XRN1: variants seen among roughly 807,000 people sequenced by gnomAD.
XRN1 encodes strand-exchange protein 1 homolog.
XRN1 carries 67 observed loss-of-function variants against 222.3 expected under a neutral mutation model. That is an observed-to-expected ratio of 0.30 (90% CI 0.25 to 0.37). The LOEUF (loss-of-function observed/expected upper bound fraction) is 0.37. Ranked by LOEUF, XRN1 falls within the 10% of genes least tolerant of loss-of-function variation. XRN1 has a pLI of 1.00. For synonymous variants in XRN1, 643 were observed against 652.4 expected (o/e 0.99, Z 0.22); for missense variants, 1,707 against 2,000.2 (o/e 0.85, Z 2.80).
Position 142,384,164 on chromosome 3 carries a change from C to T in XRN1, c.2502+359G>A, listed in dbSNP as rs140870541. On this transcript the variant is annotated intron_variant, in intron 21 of 40. Transcript: ENST00000392981. Reference sequence around the variant, plus strand: ...GCGGGCACCTGTAGTCCCAGCTACTCGGGAAGCTGTGGCAGGAGAATGGCG... The same window carrying T: ...GCGGGCACCTGTAGTCCCAGCTACTTGGGAAGCTGTGGCAGGAGAATGGCG... Among the ~76,000 whole-genome samples, 256 of 150,808 alleles carry T rather than the reference C, an allele frequency of 1.7e-3. 4 individuals are homozygous for T. In the East Asian group the frequency reaches 0.044, roughly 26 times the overall value.
chr3:142,446,179 C>G (rs775106025), intron 1 of XRN1, among the ~76,000 whole-genome samples: 4 of 152,172 alleles, frequency 2.6e-5, no homozygotes, highest in Non-Finnish European at 5.9e-5. Context: ...GAGGCCACAC[C>G]ACTGACTTCC....
chr3:142,376,618 T>A (rs1229698800), intron 23 of XRN1, 24 bp from the exon 24 acceptor site: 1 of 1,514,576 alleles, frequency 6.6e-7, no homozygotes, highest in African/African-American at 1.4e-5. Context: ...AACAAAAAGG[T>A]CAATTATGGA....
chr3:142,354,120 GA>G (rs926880159), intron 32 of XRN1, among the ~76,000 whole-genome samples: 13 of 151,808 alleles, frequency 8.6e-5, no homozygotes, highest in South Asian at 6.2e-4. Flanking sequence ...AAAAAATGGG[GA>G]AAAAACATGA....
intron 36 of XRN1, 62 bp from the exon 37 acceptor site, chr3:142,329,677 T>C: frequency 6.8e-7 from 1 of 1,461,382 alleles, no homozygotes; most frequent in Non-Finnish European, 9.0e-7. Context: ...ATTATGCACT[T>C]ATTGTAGGGT....
At chr3:142,388,844 A>G (rs1334923626) in intron 20 of XRN1, among the ~76,000 whole-genome samples, 3 of 152,230 alleles carry the variant, frequency 2.0e-5, no homozygotes, top group Non-Finnish European at 4.4e-5. Context: ...TGTCATTTCA[A>G]CAATGTTCAC....
In XRN1 at chr3:142,425,544, A is replaced by C. The variant is rs768440988; in HGVS notation, c.407-6T>G. The C allele has an allele frequency of 5.0e-6, 8 of 1,600,906 alleles. No individual in the cohort carries two copies. In the Admixed American group the frequency reaches 1.2e-4, roughly 24 times the overall value. ...CCTGGCCATAAATTCAGTTCCTAAA[A>C]ATAATGTTTTAAAAAGGTTAATCTA... is the stretch of plus-strand genomic sequence containing the variant. On this transcript the variant is annotated splice_polypyrimidine_tract_variant and splice_region_variant and intron_variant, in intron 3 of 40. Coordinates refer to ENST00000392981, the MANE Select transcript of XRN1 (RefSeq NM_001282857.2).
chr3:142,316,588 C>CT (rs1369965157), intron 39 of XRN1, among the ~76,000 whole-genome samples: 2 of 152,198 alleles, frequency 1.3e-5, no homozygotes, highest in African/African-American at 4.8e-5. Flanking sequence ...ACCTTCCTTA[C>CT]TGCCAAGACT....
In XRN1 at chr3:142,423,581, A is replaced by G; in HGVS notation, c.689T>C (p.Phe230Ser). The stretch of plus-strand genomic sequence containing the variant: ...TTACCGTTGTGTTTTTTTGCCACCA[A>G]ATCGAACTTCTTCTCTTAAGAGAGA... ...HFSLLREEVRFGGKKTQRVCA... is the reference protein window; with the variant it reads ...HFSLLREEVRSGGKKTQRVCA... Residue 230 changes from phenylalanine to serine, a missense_variant, in exon 6 of 41, where the codon TTT becomes TCT. This residue lies in a region of XRN1 where 1,234 missense variants were observed against 1,518.2 expected (regional missense o/e 0.81). Coordinates refer to ENST00000392981, the MANE Select transcript of XRN1 (RefSeq NM_001282857.2). 1 of 1,601,044 alleles carries G rather than the reference A, an allele frequency of 6.2e-7. No homozygotes were observed. The highest frequency in any genetic ancestry group is 8.5e-7 in the Non-Finnish European group (1 of 1,175,282).
chr3:142,332,763 G>A, intron 35 of XRN1: 4 of 803,286 alleles, frequency 5.0e-6, no homozygotes, highest in Non-Finnish European at 7.3e-6. Context: ...TAGTAGCAAT[G>A]TTTGAAAAGC....
chr3:142,421,562 TA>T lies in XRN1; in HGVS notation c.968-20del. On this transcript the variant is annotated intron_variant, in intron 8 of 40. Coordinates refer to ENST00000392981, the MANE Select transcript of XRN1 (RefSeq NM_001282857.2). ...ATATAACCTAAAAGAAACAAAAATT[TA>T]AATCTGTACTAAAAGCTGACATTTT... The T allele has an allele frequency of 6.4e-7, 1 of 1,559,400 alleles. No homozygotes were observed. Among genetic ancestry groups the T allele is most frequent in the Non-Finnish European group, 8.7e-7 (1 of 1,145,676 alleles).
In XRN1 at chr3:142,418,868, GAA is replaced by G. The variant is rs1169670434; in HGVS notation, c.1185_1186del (p.Leu397ValfsTer9). 6.2e-7 allele frequency: 1 copy of G among 1,613,910 alleles called. No individual in the cohort carries two copies. Among genetic ancestry groups the G allele is most frequent in the Admixed American group, 1.7e-5 (1 of 60,010 alleles). Reference sequence around the variant, plus strand: ...TTTGTCTAAAGCAGTCCAACACAGAGAATTTTCCTGGCCCTGTAAATTGTAAA... The same window carrying G: ...TTTGTCTAAAGCAGTCCAACACAGAGTTTTCCTGGCCCTGTAAATTGTAAA... On this transcript the variant is annotated frameshift_variant, in exon 11 of 41. Transcript: ENST00000392981. LOFTEE classifies it high-confidence loss of function.
In XRN1 at chr3:142,421,136, G is replaced by A; in HGVS notation, c.1053C>T (p.Phe351=). ...VKLSDFDREH[F]SEVFVDLKWF... ...ATTTTAGGTCCACAAAAACTTCACT[G>A]AAGTGCTCCCGATCAAACTGTACAG... is the stretch of plus-strand genomic sequence containing the variant. Residue 351 remains phenylalanine (F), a synonymous_variant, in exon 10 of 41, where the codon TTC becomes TTT. Coordinates refer to ENST00000392981, the MANE Select transcript of XRN1 (RefSeq NM_001282857.2). The A allele has an allele frequency of 6.2e-7, 1 of 1,613,142 alleles. No homozygotes were observed. The highest frequency in any genetic ancestry group is 8.5e-7 in the Non-Finnish European group (1 of 1,179,576).
intron 15 of XRN1, chr3:142,407,704 G>A (rs1271273842): frequency 6.6e-6 from 1 of 152,146 alleles, no homozygotes; most frequent in Non-Finnish European, 1.5e-5. Flanking sequence ...TTGCGCAAGG[G>A]CCATGCTAAT....
rs142940423 is a variant in XRN1 at position 142,356,102 on chromosome 3, T to C, written c.3673-606A>G. Among the ~76,000 whole-genome samples the C allele has an allele frequency of 1.2e-4, 19 of 152,346 alleles. No homozygotes were observed. In the East Asian group the frequency reaches 3.1e-3, roughly 25 times the overall value. On this transcript the variant is annotated intron_variant, in intron 31 of 40. Coordinates refer to ENST00000392981, the MANE Select transcript of XRN1 (RefSeq NM_001282857.2). ...ACTATAAAAGATTATACTGAATCAATATCCCACCAATAGGTTTTTTGTCTT... is the reference window on the plus strand; with the variant it reads ...ACTATAAAAGATTATACTGAATCAACATCCCACCAATAGGTTTTTTGTCTT...
At chr3:142,403,516 T>C (rs2068223036) in intron 18 of XRN1, among the ~76,000 whole-genome samples, 158 bp downstream of exon 18, 1 of 152,170 alleles carries the variant, frequency 6.6e-6, no homozygotes, top group African/African-American at 2.4e-5. Context: ...GTTCTTGAAC[T>C]ATTATCTAAT....
chr3:142,415,780 T>C (rs1216961279), intron 13 of XRN1, among the ~76,000 whole-genome samples: 1 of 152,246 alleles, frequency 6.6e-6, no homozygotes, highest in East Asian at 1.9e-4. Flanking sequence ...AAACAGAGCC[T>C]AGCACAGGTG....
At chr3:142,431,995 T>C (rs2069617923) in intron 2 of XRN1, among the ~76,000 whole-genome samples, 1 of 82,556 alleles carries the variant, frequency 1.2e-5, no homozygotes, top group Non-Finnish European at 2.0e-5. Flanking sequence ...TATAATATAT[T>C]GTATATATAT....
intron 36 of XRN1, among the ~76,000 whole-genome samples, chr3:142,329,967 C>G (rs2065647001): frequency 6.6e-6 from 1 of 152,176 alleles, no homozygotes; most frequent in Admixed American, 6.5e-5. Context: ...ATATAAACAA[C>G]TATTTAGTAC....
intron 39 of XRN1, among the ~76,000 whole-genome samples, chr3:142,315,487 T>C (rs906314907): frequency 1.1e-4 from 16 of 151,330 alleles, no homozygotes; most frequent in Admixed American, 4.6e-4. Context: ...TACATATACA[T>C]TGTACTAAAA....
Sources: allele counts gnomAD v4.1 joint callset (sites outside exome capture counted in the v4.1 genomes callset), GRCh38; gene constraint gnomAD v4.1.1; regional missense constraint gnomAD v4.1.1; transcripts MANE v1.5; gene names NCBI Gene and HGNC (gene_info 2026-07-23, HGNC 2026-07-21).